AGAP1: variants seen among roughly 807,000 people sequenced by gnomAD.
AGAP1 encodes ArfGAP with GTPase domain, ankyrin repeat and PH domain 1.
Under a neutral mutation model 105.3 loss-of-function variants are expected in AGAP1, and 29 were observed. The observed-to-expected ratio is 0.28, with a 90% CI of 0.21 to 0.38. AGAP1 has a LOEUF of 0.38. Ranked by LOEUF, AGAP1 falls within the 10% of genes least tolerant of loss-of-function variation. The probability of loss-of-function intolerance (pLI) is 1.00; values close to 1 mark genes in which losing one functional copy is unlikely to be tolerated. For synonymous variants in AGAP1, 509 were observed against 485.9 expected, an observed-to-expected ratio of 1.05 and a Z score of -0.63; for missense variants, 998 against 1,165.1, an observed-to-expected ratio of 0.86 and a Z score of 2.09.
At chr2:235,790,567 C>T (rs1019466833) in intron 6 of AGAP1, among the ~76,000 whole-genome samples, 1 of 152,212 alleles carries the variant, frequency 6.6e-6, no homozygotes, top group Non-Finnish European at 1.5e-5. Flanking sequence ...CTTCACTTCT[C>T]TATTCAATTT....
chr2:236,049,988 A>G (rs925250728), intron 16 of AGAP1, among the ~76,000 whole-genome samples: 1 of 152,178 alleles, frequency 6.6e-6, no homozygotes, highest in Non-Finnish European at 1.5e-5. Context: ...TCATCTCCGT[A>G]CTTGTCTAAA....
At position 235,752,370 on chromosome 2, in the gene AGAP1, A is replaced by T. The variant is rs955928784; in HGVS notation, c.673+1882A>T. Reference sequence around the variant, plus strand: ...TTTTTTGCATTTTAGTAGAGATGGGATTTTCACCATGTTGCCCAAGTTGGT... The same window carrying T: ...TTTTTTGCATTTTAGTAGAGATGGGTTTTTCACCATGTTGCCCAAGTTGGT... On this transcript the variant is annotated intron_variant, in intron 6 of 17. Coordinates refer to ENST00000304032, the MANE Select transcript of AGAP1 (RefSeq NM_001037131.3). This position sits in a 1 kb window ranked among gnomAD's most constrained non-coding sequence, Gnocchi z 4.3. 7.2e-5 allele frequency among the ~76,000 whole-genome samples: 11 copies of T among 152,038 alleles called. No homozygotes were observed. The East Asian group carries it at 1.7e-3, about 24-fold the overall frequency.
chr2:235,529,184 G>C (rs1043595694), intron 1 of AGAP1, among the ~76,000 whole-genome samples: 4 of 152,174 alleles, frequency 2.6e-5, no homozygotes, highest in African/African-American at 9.7e-5. Context: ...GGCAAGTGTT[G>C]CCTTGGCGCT....
At chr2:235,656,125 G>A (rs1947763763) in intron 1 of AGAP1, among the ~76,000 whole-genome samples, 3 of 152,188 alleles carry the variant, frequency 2.0e-5, no homozygotes, top group Non-Finnish European at 2.9e-5. Flanking sequence ...TCAGGGGGCC[G>A]CTCCTGCTGA....
intron 1 of AGAP1, among the ~76,000 whole-genome samples, chr2:235,495,868 T>C (rs1941295260): frequency 6.6e-6 from 1 of 152,222 alleles, no homozygotes; most frequent in Admixed American, 6.5e-5. Flanking sequence ...TGTTGGCCAG[T>C]GATGGTAAAA....
chr2:236,043,510 T>A (rs1397497309), intron 15 of AGAP1, among the ~76,000 whole-genome samples: 1 of 152,130 alleles, frequency 6.6e-6, no homozygotes, highest in East Asian at 1.9e-4. Flanking sequence ...GCGGATCACC[T>A]GAGGTCAGGA....
chr2:235,869,801 G>A (rs2049351096), intron 9 of AGAP1, among the ~76,000 whole-genome samples: 1 of 152,174 alleles, frequency 6.6e-6, no homozygotes, highest in Non-Finnish European at 1.5e-5. Context: ...ACGTGAAAAG[G>A]TCACTGGCAG....
intron 10 of AGAP1, among the ~76,000 whole-genome samples, chr2:235,894,895 G>C (rs909627076): frequency 2.0e-5 from 3 of 152,208 alleles, no homozygotes; most frequent in Admixed American, 2.0e-4. Flanking sequence ...TTCCAACGTG[G>C]CTTTGTGGAG....
At chr2:235,494,909 G>C (rs990356075) in intron 1 of AGAP1, 60 bp downstream of exon 1, 4 of 1,466,170 alleles carry the variant, frequency 2.7e-6, no homozygotes, top group Admixed American at 4.9e-5. Context: ...CGCGGCGGGG[G>C]TGTGCGCTGT....
At chr2:235,508,334 T>A (rs974153508) in intron 1 of AGAP1, among the ~76,000 whole-genome samples, 4 of 152,206 alleles carry the variant, frequency 2.6e-5, no homozygotes, top group Admixed American at 6.5e-5. Context: ...AGTTTTGATG[T>A]TTTAGTAAAG....
chr2:235,672,960 A>G (rs1009911619), intron 1 of AGAP1, among the ~76,000 whole-genome samples: 3 of 152,346 alleles, frequency 2.0e-5, no homozygotes, highest in African/African-American at 7.2e-5. Context: ...TTGGTCTGAG[A>G]CATGATATTA....
intron 1 of AGAP1, among the ~76,000 whole-genome samples, chr2:235,704,503 A>G (rs1036462163): frequency 6.6e-6 from 1 of 152,122 alleles, no homozygotes; most frequent in Admixed American, 6.5e-5. Context: ...AAAATTACCC[A>G]GATGTGGTGG....
rs892979311 is a variant in AGAP1, at chr2:235,875,304, G to T, written c.1051-8041G>T. On this transcript the variant is annotated intron_variant, in intron 9 of 17. Transcript: ENST00000304032. The surrounding 1 kb of genome is among the most constrained non-coding windows in gnomAD (Gnocchi z 4.0). ...AATAAAATCGATGGTATTTTAAATTGTTGGGATGAACAAGCACTTTGGGTT... is the reference window on the plus strand; with the variant it reads ...AATAAAATCGATGGTATTTTAAATTTTTGGGATGAACAAGCACTTTGGGTT... 1.3e-5 allele frequency among the ~76,000 whole-genome samples: 2 copies of T among 152,190 alleles called. No homozygotes were observed. Among genetic ancestry groups the T allele is most frequent in the African/African-American group, 4.8e-5 (2 of 41,444 alleles).
At chr2:235,558,051 A>G (rs1252018629) in intron 1 of AGAP1, among the ~76,000 whole-genome samples, 5 of 152,188 alleles carry the variant, frequency 3.3e-5, no homozygotes. Context: ...GAGTGGGAAG[A>G]GTACCAGGCA....
At position 235,662,682 on chromosome 2, in the gene AGAP1, AT is replaced by A. The variant is rs1948001030; in HGVS notation, c.164-46493del. On this transcript the variant is annotated intron_variant, in intron 1 of 17. Transcript: ENST00000304032. The surrounding 1 kb of genome is among the most constrained non-coding windows in gnomAD (Gnocchi z 4.2). The stretch of plus-strand genomic sequence containing the variant: ...CCACCACACCTGGCCGAAGTTGGTG[AT>A]TTTGAACAGAGGAAAGATAGCACAG... Among the ~76,000 whole-genome samples, 1 of 151,930 alleles carries A rather than the reference AT, an allele frequency of 6.6e-6. No homozygotes were observed. The highest frequency in any genetic ancestry group is 1.5e-5 in the Non-Finnish European group (1 of 68,000).
intron 11 of AGAP1, among the ~76,000 whole-genome samples, chr2:235,929,017 C>T (rs1245492692): frequency 6.6e-6 from 1 of 152,166 alleles, no homozygotes; most frequent in East Asian, 1.9e-4. Context: ...TAGGGCACGC[C>T]CATGCCCTGA....
intron 9 of AGAP1, among the ~76,000 whole-genome samples, chr2:235,880,861 G>C (rs908209414): frequency 6.6e-6 from 1 of 152,144 alleles, no homozygotes; most frequent in African/African-American, 2.4e-5. Flanking sequence ...GTTTATTACC[G>C]CATCGCTGAT....
intron 1 of AGAP1, among the ~76,000 whole-genome samples, chr2:235,568,801 C>T (rs1226273109): frequency 6.6e-6 from 1 of 152,190 alleles, no homozygotes; most frequent in Non-Finnish European, 1.5e-5. Context: ...CCAGAAGCCA[C>T]CTGCAGTCCT....
chr2:235,532,051 CA>C (rs1943062498), intron 1 of AGAP1, among the ~76,000 whole-genome samples: 2 of 152,112 alleles, frequency 1.3e-5, no homozygotes, highest in African/African-American at 2.4e-5. Context: ...GAGTTGATCA[CA>C]AAAAGTAGAT....
Sources: allele counts gnomAD v4.1 joint callset (sites outside exome capture counted in the v4.1 genomes callset), GRCh38; gene constraint gnomAD v4.1.1; non-coding constraint Gnocchi (gnomAD v3.1); transcripts MANE v1.5; gene names NCBI Gene and HGNC (gene_info 2026-07-23, HGNC 2026-07-21).